The following EVC variants were observed in gnomAD, a reference collection of about 807,000 sequenced individuals.
The protein encoded by EVC is evC complex member EVC.
A neutral mutation model predicts 118.9 loss-of-function variants in EVC; 116 were observed. That is an observed-to-expected ratio of 0.98 (90% CI 0.84 to 1.14). EVC has a LOEUF of 1.14. EVC is among the 50% of genes most tolerant of loss of function. EVC has a pLI of 0.00. For synonymous variants in EVC, 619 were observed against 534.7 expected, an observed-to-expected ratio of 1.16 and a Z score of -2.18; for missense variants, 1,401 against 1,246.4, an observed-to-expected ratio of 1.12 and a Z score of -1.87.
At chr4:5,795,124 A>G (rs546488817) in intron 13 of EVC, among the ~76,000 whole-genome samples, 49 of 152,254 alleles carry the variant, frequency 3.2e-4, no homozygotes, top group African/African-American at 8.7e-4. Context: ...TCTTTATCCA[A>G]TCCACCATTG....
chr4:5,817,758 C>A (rs768700511), downstream of EVC, among the ~76,000 whole-genome samples: 6 of 152,138 alleles, frequency 3.9e-5, no homozygotes, highest in Admixed American at 6.5e-5. Flanking sequence ...TCTGTTGAGT[C>A]TATAGAGATT....
chr4:5,815,150 CTG>C (rs1305205908), downstream of EVC, among the ~76,000 whole-genome samples: 1 of 152,040 alleles, frequency 6.6e-6, no homozygotes, highest in African/African-American at 2.4e-5. Context: ...AAAGATCTGA[CTG>C]TGGCATTGTA....
In EVC at chr4:5,732,224, G is replaced by A. The variant is rs140463979; in HGVS notation, c.617+567G>A. ...TTGACCCAACCCAGAGCAGGGCTCC[G>A]CACGTGGTGGGGGCTTAAGAAGCTC... On this transcript the variant is annotated intron_variant, in intron 4 of 20. Transcript: ENST00000264956. Among the ~76,000 whole-genome samples the A allele has an allele frequency of 4.6e-5, 7 of 152,298 alleles. No individual in the cohort carries two copies. The South Asian group carries it at 6.2e-4, about 14-fold the overall frequency.
intron 11 of EVC, among the ~76,000 whole-genome samples, chr4:5,770,438 C>G (rs1397340577): frequency 6.6e-6 from 1 of 152,166 alleles, no homozygotes; most frequent in Non-Finnish European, 1.5e-5. Flanking sequence ...ACAGGCCAGA[C>G]CCCTCTTTGG....
intron 16 of EVC, among the ~76,000 whole-genome samples, chr4:5,803,767 C>G (rs1715399112): frequency 6.6e-6 from 1 of 152,240 alleles, no homozygotes; most frequent in Non-Finnish European, 1.5e-5. Flanking sequence ...CAAGCTCTCC[C>G]AGCTAATTAA....
At chr4:5,772,943 C>T (rs1478788125) in intron 11 of EVC, among the ~76,000 whole-genome samples, 3 of 152,108 alleles carry the variant, frequency 2.0e-5, no homozygotes, top group Non-Finnish European at 2.9e-5. Context: ...TCTGACCTCT[C>T]CCCAGACCTG....
At position 5,721,852 on chromosome 4, in the gene EVC, G is replaced by A. The variant is rs368892226; in HGVS notation, c.300+2479G>A. Among the ~76,000 whole-genome samples the A allele has an allele frequency of 9.2e-5, 14 of 152,270 alleles. No homozygotes were observed. The South Asian group carries it at 2.9e-3, about 32-fold the overall frequency. The stretch of plus-strand genomic sequence containing the variant: ...ACTGCACTCCAGCTTAAGTGACAGA[G>A]CAAGACTCTGTCTCAAAATAAATAA... On this transcript the variant is annotated intron_variant, in intron 2 of 20. Coordinates refer to ENST00000264956, the MANE Select transcript of EVC (RefSeq NM_153717.3).
At chr4:5,720,656 G>A (rs887201744) in intron 2 of EVC, among the ~76,000 whole-genome samples, 1 of 152,190 alleles carries the variant, frequency 6.6e-6, no homozygotes, top group Non-Finnish European at 1.5e-5. Context: ...CTCCCTGGCT[G>A]GTGGGATCCC....
intron 16 of EVC, 80 bp downstream of exon 16, chr4:5,802,174 ATAC>A: frequency 6.5e-7 from 1 of 1,534,762 alleles, no homozygotes; most frequent in Non-Finnish European, 9.0e-7. Context: ...AGGATGTCAG[ATAC>A]TGTGAATTTT....
At position 5,758,102 on chromosome 4, in the gene EVC, G is replaced by A. The variant is rs1432787623; in HGVS notation, c.1563+1740G>A. 4 of 702,468 alleles carry A rather than the reference G, an allele frequency of 5.7e-6. No homozygotes were observed. The South Asian group carries it at 5.9e-5, about 10-fold the overall frequency. The allele number at this position is 702,468 out of a possible 1,614,324, so 43.5% of individuals were successfully genotyped here. A position where few individuals can be genotyped will look rare whatever the true frequency, so the allele number is the denominator to read the frequency against. The stretch of plus-strand genomic sequence containing the variant: ...TAAGAAGGCCATGAGAAGACATAGA[G>A]ACACAGGGAAGGAGGCTGTTTGAAG... On this transcript the variant is annotated intron_variant, in intron 11 of 20. Transcript: ENST00000264956.
intron 1 of EVC, among the ~76,000 whole-genome samples, chr4:5,712,271 G>A (rs1723166045): frequency 6.6e-6 from 1 of 152,248 alleles, no homozygotes; most frequent in East Asian, 1.9e-4. Flanking sequence ...CTCCACAACA[G>A]TTTGTCTCTG....
At chr4:5,729,528 G>C (rs1001566646) in intron 3 of EVC, 138 bp downstream of exon 3, 1 of 852,168 alleles carries the variant, frequency 1.2e-6, no homozygotes, top group Admixed American at 2.0e-5. Flanking sequence ...AGTAGGGATA[G>C]TTTTGAGGCT....
At chr4:5,724,332 G>C (rs1019004058) in intron 2 of EVC, among the ~76,000 whole-genome samples, 1 of 152,208 alleles carries the variant, frequency 6.6e-6, no homozygotes, top group African/African-American at 2.4e-5. Context: ...TCGGTTGGAT[G>C]TGGGGACTTG....
chr4:5,825,866 C>A, the EVC span: 1 of 565,214 alleles, frequency 1.8e-6, no homozygotes, highest in Non-Finnish European at 3.1e-6. This position sits in a 1 kb window ranked among gnomAD's most constrained non-coding sequence, Gnocchi z 4.4. Flanking sequence ...CATGCATACA[C>A]ACACATCTAC....
intron 9 of EVC, 94 bp downstream of exon 9, chr4:5,753,146 G>A: frequency 2.5e-6 from 3 of 1,218,570 alleles, no homozygotes; most frequent in Non-Finnish European, 3.5e-6. Context: ...GGGGCAGTGT[G>A]CCCATGATGC....
At chr4:5,824,552 G>A in the EVC span, 8 of 982,350 alleles carry the variant, frequency 8.1e-6, no homozygotes, top group Non-Finnish European at 9.7e-6. Flanking sequence ...TCCTGACCAG[G>A]AATTAGCAAA....
chr4:5,793,436 A>C, intron 12 of EVC, 172 bp from the exon 13 acceptor site: 1 of 677,134 alleles, frequency 1.5e-6, no homozygotes, highest in Non-Finnish European at 2.6e-6. Context: ...CAAATAGGAA[A>C]GATTTTAAGG....
chr4:5,804,865 C>T (rs752023515), intron 17 of EVC, 24 bp downstream of exon 17: 12 of 1,583,694 alleles, frequency 7.6e-6, no homozygotes, highest in South Asian at 1.1e-5. Flanking sequence ...TGAGGTCCCA[C>T]GTAGGGCTGT....
At chr4:5,725,466 A>C (rs966952144) in intron 2 of EVC, among the ~76,000 whole-genome samples, 1 of 152,096 alleles carries the variant, frequency 6.6e-6, no homozygotes, top group Non-Finnish European at 1.5e-5. Context: ...GCATCTCTCT[A>C]ATGATCAGTG....
Sources: allele counts gnomAD v4.1 joint callset (sites outside exome capture counted in the v4.1 genomes callset), GRCh38; gene constraint gnomAD v4.1.1; non-coding constraint Gnocchi (gnomAD v3.1); transcripts MANE v1.5; gene names NCBI Gene and HGNC (gene_info 2026-07-23, HGNC 2026-07-21).